TCF12: variants seen among roughly 807,000 people sequenced by gnomAD.
The protein encoded by TCF12 is transcription factor 12.
TCF12 carries 45 observed loss-of-function variants against 86.0 expected under a neutral mutation model. The ratio of observed to expected loss-of-function variants is 0.52; its 90% CI spans 0.41 to 0.67. The LOEUF (loss-of-function observed/expected upper bound fraction) is 0.67. Ranked by LOEUF, TCF12 falls within the 30% of genes least tolerant of loss-of-function variation. The probability of loss-of-function intolerance (pLI) is 0.00; values close to 1 mark genes in which losing one functional copy is unlikely to be tolerated. For synonymous variants in TCF12, 330 were observed against 299.6 expected (o/e 1.10, Z -1.05); for missense variants, 881 against 859.9 (o/e 1.02, Z -0.31).
chr15:57,115,290 A>G (rs2050763211), intron 5 of TCF12, among the ~76,000 whole-genome samples: 1 of 152,230 alleles, frequency 6.6e-6, no homozygotes, highest in African/African-American at 2.4e-5. Context: ...TACATAAACT[A>G]ATAAACAAAA....
intron 3 of TCF12, among the ~76,000 whole-genome samples, chr15:56,937,379 G>A (rs2060514543): frequency 6.7e-6 from 1 of 149,988 alleles, no homozygotes; most frequent in South Asian, 2.1e-4. Flanking sequence ...TTTTTTTTGA[G>A]ACGGAGTCAT....
At chr15:57,248,553 G>A (rs2059966266) in intron 13 of TCF12, among the ~76,000 whole-genome samples, 1 of 152,084 alleles carries the variant, frequency 6.6e-6, no homozygotes, top group African/African-American at 2.4e-5. Context: ...AATCTTCAGA[G>A]CTTTCACAGA....
chr15:56,932,554 T>C (rs2060293154), intron 3 of TCF12, among the ~76,000 whole-genome samples: 1 of 152,058 alleles, frequency 6.6e-6, no homozygotes, highest in African/African-American at 2.4e-5. Context: ...TCAAGATTTA[T>C]TTATTTAATT....
intron 6 of TCF12, among the ~76,000 whole-genome samples, chr15:57,185,742 G>A (rs1368503760): frequency 3.3e-5 from 5 of 152,224 alleles, no homozygotes; most frequent in East Asian, 3.9e-4. Context: ...AAATTAGCCA[G>A]GTGTGGTGGT....
At chr15:57,021,999 C>G (rs2065514858) in intron 3 of TCF12, among the ~76,000 whole-genome samples, 1 of 151,882 alleles carries the variant, frequency 6.6e-6, no homozygotes, top group Non-Finnish European at 1.5e-5. Context: ...TTATTTTTTT[C>G]TTTTAATCAT....
chr15:57,074,698 G>C (rs1002551014), intron 4 of TCF12, among the ~76,000 whole-genome samples: 11 of 152,164 alleles, frequency 7.2e-5, no homozygotes, highest in African/African-American at 2.4e-4. Context: ...TGTATTGCAG[G>C]TCTTGGGATT....
At chr15:57,253,240 G>GTT in intron 15 of TCF12, 22 bp from the exon 16 acceptor site, 3 of 1,413,702 alleles carry the variant, frequency 2.1e-6, no homozygotes, top group Non-Finnish European at 2.9e-6. Flanking sequence ...TAACCACCAT[G>GTT]TTTTTTTTTT....
chr15:57,247,176 G>T (rs1391208281), intron 13 of TCF12: 3 of 590,104 alleles, frequency 5.1e-6, no homozygotes, highest in Non-Finnish European at 9.4e-6. Context: ...CATATCCTTG[G>T]TCCATCACCA....
At chr15:57,086,112 G>A in intron 4 of TCF12, among the ~76,000 whole-genome samples, 1 of 151,686 alleles carries the variant, frequency 6.6e-6, no homozygotes, top group South Asian at 2.1e-4. Flanking sequence ...TATGTGGCAG[G>A]CATCATTCTG....
intron 5 of TCF12, among the ~76,000 whole-genome samples, chr15:57,117,183 G>A (rs1451651570): frequency 6.6e-6 from 1 of 151,672 alleles, no homozygotes; most frequent in Admixed American, 6.6e-5. Flanking sequence ...GTGACTACAG[G>A]TGTGCACCAC....
intron 4 of TCF12, among the ~76,000 whole-genome samples, chr15:57,074,201 A>G (rs2069672070): frequency 6.6e-6 from 1 of 152,160 alleles, no homozygotes; most frequent in Non-Finnish European, 1.5e-5. Flanking sequence ...AAGAGAGTTA[A>G]TTCCCGAGCC....
intron 5 of TCF12, among the ~76,000 whole-genome samples, chr15:57,159,223 C>G (rs1340153452): frequency 6.6e-6 from 1 of 152,152 alleles, no homozygotes; most frequent in Admixed American, 6.5e-5. Context: ...TGTTACTTTC[C>G]TAGTTGACTC....
chr15:56,920,003 C>T lies in TCF12; in HGVS notation c.75+15C>T. 1 of 1,613,814 alleles carries T rather than the reference C, an allele frequency of 6.2e-7. No homozygotes were observed. Among genetic ancestry groups the T allele is most frequent in the Non-Finnish European group, 8.5e-7 (1 of 1,179,834 alleles). Reference sequence around the variant, plus strand: ...ACTTCAGTGCGGTATGAGAGCTTTCCATGGCATCTTGGGGTTCTGCTGAGG... The same window carrying T: ...ACTTCAGTGCGGTATGAGAGCTTTCTATGGCATCTTGGGGTTCTGCTGAGG... On this transcript the variant is annotated intron_variant, in intron 2 of 20. Transcript: ENST00000333725.
chr15:57,007,820 T>TC (rs1567242033), intron 3 of TCF12, among the ~76,000 whole-genome samples: 12 of 123,196 alleles, frequency 9.7e-5, no homozygotes, highest in African/African-American at 3.6e-4. Flanking sequence ...CTTTCTTTCT[T>TC]TTTCTTTCTT....
chr15:57,020,987 T>C (rs1378493189), intron 3 of TCF12, among the ~76,000 whole-genome samples: 1 of 152,216 alleles, frequency 6.6e-6, no homozygotes. Flanking sequence ...CACCTTTTTT[T>C]AGACTTTATG....
chr15:57,271,104 T>C (rs188683783), intron 18 of TCF12, among the ~76,000 whole-genome samples: 59 of 152,332 alleles, frequency 3.9e-4, no homozygotes, highest in African/African-American at 1.4e-3. Flanking sequence ...TCTTCAGGGC[T>C]GTCAGGCAGG....
intron 18 of TCF12, among the ~76,000 whole-genome samples, chr15:57,267,815 G>T (rs555326300): frequency 1.1e-4 from 17 of 152,288 alleles, no homozygotes; most frequent in African/African-American, 4.1e-4. Context: ...GGTTTGAATT[G>T]TGGTTCCATT....
intron 3 of TCF12, among the ~76,000 whole-genome samples, chr15:57,025,765 T>A (rs201286902): frequency 1.3e-5 from 2 of 152,340 alleles, no homozygotes; most frequent in East Asian, 3.9e-4. Flanking sequence ...GAAATGTTAG[T>A]CACCAGTGTG....
At chr15:57,065,530 G>C (rs1159133621) in intron 4 of TCF12, among the ~76,000 whole-genome samples, 2 of 152,214 alleles carry the variant, frequency 1.3e-5, no homozygotes, top group East Asian at 1.9e-4. Context: ...TCAGAGGCTT[G>C]AGTTACTTTG....
Sources: gnomAD v4.1 joint callset for allele counts (sites outside exome capture counted in the v4.1 genomes callset) on GRCh38, gnomAD v4.1.1 for gene constraint, MANE v1.5 for transcripts, NCBI Gene and HGNC (gene_info 2026-07-23, HGNC 2026-07-21) for gene names.